Variants in FAM163A observed in about 807,000 individuals in gnomAD.
FAM163A encodes the protein family with sequence similarity 163 member A.
Under a neutral mutation model 12.0 loss-of-function variants are expected in FAM163A, and 7 were observed. The observed-to-expected ratio is 0.58, with a 90% CI of 0.33 to 1.10. The LOEUF (loss-of-function observed/expected upper bound fraction) is 1.10. Ranked by LOEUF, FAM163A falls within the 50% of genes least tolerant of loss-of-function variation. The pLI is 0.03. For missense variants in FAM163A, 202 were observed against 218.6 expected (o/e 0.92, Z 0.48); for synonymous variants, 101 against 91.0 (o/e 1.11, Z -0.62).
At chr1:179,794,608 C>G (rs1217141743) in intron 1 of FAM163A, among the ~76,000 whole-genome samples, 1 of 152,094 alleles carries the variant, frequency 6.6e-6, no homozygotes, top group Non-Finnish European at 1.5e-5. Flanking sequence ...GACAGTAATC[C>G]TCTGCTTTTG....
At chr1:179,805,796 A>C (rs1557972449) in intron 1 of FAM163A, among the ~76,000 whole-genome samples, 2 of 152,214 alleles carry the variant, frequency 1.3e-5, no homozygotes, top group Non-Finnish European at 2.9e-5. Context: ...AGAGAAACTT[A>C]AAACTGGCTC....
rs74464939 is a variant in FAM163A, at chr1:179,785,544, T to C, written c.-135-22254T>C. 3.3e-3 allele frequency among the ~76,000 whole-genome samples: 507 copies of C among 152,268 alleles called. 2 individuals are homozygous for C. Among genetic ancestry groups the C allele is most frequent in the Non-Finnish European group, 4.9e-3 (331 of 68,010 alleles). On this transcript the variant is annotated intron_variant, in intron 1 of 4. Transcript: ENST00000341785. ...TTGGTTTTGGTTTGTTGTTTTTGTT[T>C]TGGGGGAGTGGGGAGGGGGTCATAA...
chr1:179,778,353 C>T (rs1452575661), intron 1 of FAM163A, among the ~76,000 whole-genome samples: 1 of 152,144 alleles, frequency 6.6e-6, no homozygotes, highest in Non-Finnish European at 1.5e-5. Flanking sequence ...CCTTACACAG[C>T]TGTGATCAGT....
At chr1:179,810,089 C>T (rs113416748) in intron 2 of FAM163A, among the ~76,000 whole-genome samples, 7 of 152,276 alleles carry the variant, frequency 4.6e-5, no homozygotes, top group African/African-American at 1.7e-4. Context: ...CGGTATGTGT[C>T]AGGCATGGTG....
At chr1:179,799,662 T>A (rs1481709384) in intron 1 of FAM163A, among the ~76,000 whole-genome samples, 1 of 152,194 alleles carries the variant, frequency 6.6e-6, no homozygotes, top group African/African-American at 2.4e-5. Flanking sequence ...AAACTGTTAA[T>A]GAACATTGTT....
At chr1:179,797,175 G>A (rs910230477) in intron 1 of FAM163A, among the ~76,000 whole-genome samples, 5 of 152,200 alleles carry the variant, frequency 3.3e-5, no homozygotes, top group South Asian at 2.1e-4. Flanking sequence ...TGCCAGGTGC[G>A]ACGGCTCACA....
chr1:179,750,815 C>T (rs1222002624), intron 1 of FAM163A, among the ~76,000 whole-genome samples: 1 of 152,184 alleles, frequency 6.6e-6, no homozygotes, highest in Non-Finnish European at 1.5e-5. Flanking sequence ...TGTTAGCAGA[C>T]TCCTGATGTA....
At chr1:179,739,859 A>G (rs531558877), upstream of FAM163A, among the ~76,000 whole-genome samples, 1 of 152,384 alleles carries the variant, frequency 6.6e-6, no homozygotes, top group East Asian at 1.9e-4. Context: ...ACAATGACAC[A>G]TCATTATACA....
In FAM163A at chr1:179,815,109, G is replaced by GCGCGCGCACACA. The variant is rs1273970601; in HGVS notation, c.*921_*922insGCGCGCACACAC. ...CAGGTGTACGCACGCGCGCGCGCGC[G>GCGCGCGCACACA]CACAGACACACACACACACACACAC... On this transcript the variant is annotated 3_prime_UTR_variant, in exon 5 of 5. Coordinates refer to ENST00000341785, the MANE Select transcript of FAM163A (RefSeq NM_173509.3). 102 of 67,302 alleles carry GCGCGCGCACACA rather than the reference G, an allele frequency of 1.5e-3. No individual in the cohort carries two copies. The highest frequency in any genetic ancestry group is 6.2e-3 in the African/African-American group (98 of 15,848). The allele number at this position is 67,302 out of a possible 1,614,324, so 4.2% of individuals were successfully genotyped here.
chr1:179,733,658 TTC>T, the FAM163A span, among the ~76,000 whole-genome samples: 1 of 152,118 alleles, frequency 6.6e-6, no homozygotes, highest in South Asian at 2.1e-4. Context: ...GCACTCAAAT[TTC>T]TGTCTCTGTG....
At chr1:179,786,201 C>A (rs961313696) in intron 1 of FAM163A, among the ~76,000 whole-genome samples, 10 of 152,234 alleles carry the variant, frequency 6.6e-5, no homozygotes, top group African/African-American at 2.2e-4. Context: ...TAACACATCA[C>A]AAAAGGCTCC....
rs1297802900 is a variant in FAM163A, at chr1:179,815,345, C to CA, written c.*1157dup. 6.6e-6 allele frequency: 1 copy of CA among 152,336 alleles called. No homozygotes were observed. Among genetic ancestry groups the CA allele is most frequent in the Non-Finnish European group, 1.5e-5 (1 of 68,156 alleles). The allele number at this position is 152,336 out of a possible 1,614,324, so 9.4% of individuals were successfully genotyped here. ...ACAGAATCTCTGTGGGGCGATGCTG[C>CA]AGCGGCTGAAACCACGTCAAGTCCC... is the stretch of plus-strand genomic sequence containing the variant. On this transcript the variant is annotated 3_prime_UTR_variant, in exon 5 of 5. Transcript: ENST00000341785.
chr1:179,812,349 A>G (rs1479098324), intron 3 of FAM163A, among the ~76,000 whole-genome samples: 3 of 152,172 alleles, frequency 2.0e-5, no homozygotes, highest in East Asian at 1.9e-4. Flanking sequence ...CAGCTTGGCC[A>G]CAGCCTTCCA....
At chr1:179,787,930 C>T (rs879788134) in intron 1 of FAM163A, among the ~76,000 whole-genome samples, 10 of 152,148 alleles carry the variant, frequency 6.6e-5, no homozygotes, top group African/African-American at 1.7e-4. Context: ...ATCTGGGGAC[C>T]GTTACAAAGC....
At chr1:179,728,391 G>T in the FAM163A span, among the ~76,000 whole-genome samples, 1 of 152,152 alleles carries the variant, frequency 6.6e-6, no homozygotes, top group Non-Finnish European at 1.5e-5. Flanking sequence ...GAGTGCATTT[G>T]GTGCTGGCAG....
At chr1:179,793,206 G>A (rs187967461) in intron 1 of FAM163A, among the ~76,000 whole-genome samples, 1 of 152,174 alleles carries the variant, frequency 6.6e-6, no homozygotes, top group Admixed American at 6.5e-5. Flanking sequence ...CACCTGCATG[G>A]CTGTGAGTGT....
the FAM163A span, among the ~76,000 whole-genome samples, chr1:179,735,418 AGTTCATG>A: frequency 6.8e-6 from 1 of 146,434 alleles, no homozygotes; most frequent in Admixed American, 6.8e-5. Context: ...CAAAAGTTGG[AGTTCATG>A]GCTCACCAAA....
chr1:179,752,764 G>A (rs1026985727), intron 1 of FAM163A, among the ~76,000 whole-genome samples: 3 of 152,098 alleles, frequency 2.0e-5, no homozygotes, highest in Non-Finnish European at 2.9e-5. Flanking sequence ...TACACCTGTT[G>A]GGATGGCAGT....
At chr1:179,812,939 C>A (rs1397481340) in intron 3 of FAM163A, 137 bp from the exon 4 acceptor site, 2 of 751,748 alleles carry the variant, frequency 2.7e-6, no homozygotes, top group Non-Finnish European at 4.3e-6. Flanking sequence ...CAGGAAACCC[C>A]TGGGGCCTGG....
Sources: allele counts gnomAD v4.1 joint callset (sites outside exome capture counted in the v4.1 genomes callset), GRCh38; gene constraint gnomAD v4.1.1; transcripts MANE v1.5; gene names NCBI Gene and HGNC (gene_info 2026-07-23, HGNC 2026-07-21).